PCDHGA1: variants seen among roughly 807,000 people sequenced by gnomAD.
The protein encoded by PCDHGA1 is protocadherin gamma subfamily A, 1.
Under a neutral mutation model 58.0 loss-of-function variants are expected in PCDHGA1, and 32 were observed. The observed-to-expected ratio is 0.55, with a 90% CI of 0.42 to 0.74. PCDHGA1 has a LOEUF of 0.74. PCDHGA1 is among the 30% of genes least tolerant of loss of function. The probability of loss-of-function intolerance (pLI) is 0.00; values close to 1 mark genes in which losing one functional copy is unlikely to be tolerated. For synonymous variants in PCDHGA1, 498 were observed against 501.1 expected (o/e 0.99, Z 0.08); for missense variants, 1,205 against 1,182.3 (o/e 1.02, Z -0.28).
intron 1 of PCDHGA1, chr5:141,403,017 T>C: frequency 6.2e-7 from 1 of 1,614,064 alleles, no homozygotes; most frequent in South Asian, 1.1e-5. Context: ...CTCCTGGGGA[T>C]GCTATGGGAG....
intron 1 of PCDHGA1, chr5:141,422,889 G>A (rs62378455): frequency 0.035 from 55,863 of 1,614,202 alleles, 1,109 homozygotes; most frequent in Middle Eastern, 0.098. Context: ...TGTTCGTGCT[G>A]GACCAGAACG....
Position 141,487,373 on chromosome 5 carries a change from C to T in PCDHGA1, c.2422-7434C>T. 2 of 1,614,224 alleles carry T rather than the reference C, an allele frequency of 1.2e-6. No homozygotes were observed. Among genetic ancestry groups the T allele is most frequent in the Non-Finnish European group, 1.7e-6 (2 of 1,180,042 alleles). On this transcript the variant is annotated intron_variant, in intron 1 of 3. Transcript: ENST00000517417. This position sits in a 1 kb window ranked among gnomAD's most constrained non-coding sequence, Gnocchi z 5.0. ...CTTTCCTGCTGGCACCTGTGCCTGTCTCACCAGATCTCGAAGGAGGGAGGG... is the reference window on the plus strand; with the variant it reads ...CTTTCCTGCTGGCACCTGTGCCTGTTTCACCAGATCTCGAAGGAGGGAGGG...
Position 141,431,668 on chromosome 5 carries a change from A to C in PCDHGA1, c.2422-63139A>C. ...ATTGTAATTCAGGGACAATATCAAC[A>C]ATAGGGGAGTTGGACCACGAGGAGT... is the stretch of plus-strand genomic sequence containing the variant. On this transcript the variant is annotated intron_variant, in intron 1 of 3. Coordinates refer to ENST00000517417, the MANE Select transcript of PCDHGA1 (RefSeq NM_018912.3). This position sits in a 1 kb window ranked among gnomAD's most constrained non-coding sequence, Gnocchi z 4.8. The C allele has an allele frequency of 6.2e-7, 1 of 1,614,208 alleles. No individual in the cohort carries two copies. Among genetic ancestry groups the C allele is most frequent in the Non-Finnish European group, 8.5e-7 (1 of 1,180,036 alleles).
At chr5:141,376,041 C>G (rs781158382) in intron 1 of PCDHGA1, 1 of 1,613,218 alleles carries the variant, frequency 6.2e-7, no homozygotes, top group Non-Finnish European at 8.5e-7. Flanking sequence ...GGCCAGCCCC[C>G]TCTCTCCGCC....
chr5:141,396,790 C>G (rs2093435054), intron 1 of PCDHGA1, among the ~76,000 whole-genome samples: 2 of 152,128 alleles, frequency 1.3e-5, no homozygotes. Flanking sequence ...AGGACATTTC[C>G]TAAGGATTGT....
At chr5:141,383,985 T>C (rs924124642) in intron 1 of PCDHGA1, 1 of 1,613,822 alleles carries the variant, frequency 6.2e-7, no homozygotes, top group African/African-American at 1.3e-5. Flanking sequence ...ACACACCTCT[T>C]GGGACAGTCA....
intron 1 of PCDHGA1, chr5:141,389,501 G>A (rs752472089): frequency 3.7e-6 from 6 of 1,613,066 alleles, no homozygotes; most frequent in Non-Finnish European, 5.1e-6. Context: ...GCTCGCCAGC[G>A]CTCAGCGCGA....
rs375810500 is a variant in PCDHGA1, at chr5:141,364,577, A to G, written c.2421+31472A>G. On this transcript the variant is annotated intron_variant, in intron 1 of 3. Coordinates refer to ENST00000517417, the MANE Select transcript of PCDHGA1 (RefSeq NM_018912.3). ...TTTTGCCCTGAACCCGCGAAGCGGCAGCTTGGTCACCGCGGGCAGGATAGA... is the reference window on the plus strand; with the variant it reads ...TTTTGCCCTGAACCCGCGAAGCGGCGGCTTGGTCACCGCGGGCAGGATAGA... The G allele has an allele frequency of 2.9e-4, 467 of 1,614,196 alleles. No individual in the cohort carries two copies. The highest frequency in any genetic ancestry group is 3.9e-4 in the Non-Finnish European group (459 of 1,179,998).
intron 1 of PCDHGA1, chr5:141,399,986 G>A (rs1400468651): frequency 6.2e-7 from 1 of 1,612,408 alleles, no homozygotes; most frequent in East Asian, 2.2e-5. Context: ...CTGCGCACAG[G>A]AGAGGTGCGC....
chr5:141,460,214 G>C (rs925628892), intron 1 of PCDHGA1, among the ~76,000 whole-genome samples: 1 of 151,896 alleles, frequency 6.6e-6, no homozygotes, highest in South Asian at 2.1e-4. Flanking sequence ...CATTTTCTTA[G>C]TTGTGTCTTT....
intron 1 of PCDHGA1, chr5:141,375,897 C>A (rs1456506633): frequency 3.7e-6 from 6 of 1,613,680 alleles, no homozygotes; most frequent in Non-Finnish European, 5.1e-6. Context: ...GCCTGGCTGT[C>A]CTACCGCCTG....
intron 1 of PCDHGA1, chr5:141,365,990 G>T: frequency 6.2e-7 from 1 of 1,614,216 alleles, no homozygotes; most frequent in Non-Finnish European, 8.5e-7. Flanking sequence ...GTTTGTGCTG[G>T]ACCAGAACGA....
chr5:141,435,593 G>T (rs183768133), intron 1 of PCDHGA1, among the ~76,000 whole-genome samples: 1 of 152,112 alleles, frequency 6.6e-6, no homozygotes, highest in East Asian at 1.9e-4. Flanking sequence ...CAGTAATATC[G>T]CCTGCTTTTT....
Position 141,477,780 on chromosome 5 carries a change from T to C in PCDHGA1, c.2422-17027T>C. On this transcript the variant is annotated intron_variant, in intron 1 of 3. Coordinates refer to ENST00000517417, the MANE Select transcript of PCDHGA1 (RefSeq NM_018912.3). The surrounding 1 kb of genome is among the most constrained non-coding windows in gnomAD (Gnocchi z 4.9). ...CTAGCCACCAACATCAGCGTGAACA[T>C]ATTTGTCACTGATCGCAATGACAAT... 6.2e-7 allele frequency: 1 copy of C among 1,614,048 alleles called. No homozygotes were observed. Among genetic ancestry groups the C allele is most frequent in the Non-Finnish European group, 8.5e-7 (1 of 1,180,030 alleles).
intron 1 of PCDHGA1, chr5:141,399,420 C>T (rs1257006819): frequency 1.9e-6 from 3 of 1,614,034 alleles, no homozygotes; most frequent in Non-Finnish European, 2.5e-6. Flanking sequence ...TCTCCTCCAG[C>T]ATAAGCGTCA....
rs370603640 is a variant in PCDHGA1, at chr5:141,365,604, T to A, written c.2421+32499T>A. Reference sequence around the variant, plus strand: ...GATTATAATATCACTTTAACCGTCATGGACCATGGAACCCCGCCCCTCTCT... The same window carrying A: ...GATTATAATATCACTTTAACCGTCAAGGACCATGGAACCCCGCCCCTCTCT... On this transcript the variant is annotated intron_variant, in intron 1 of 3. Coordinates refer to ENST00000517417, the MANE Select transcript of PCDHGA1 (RefSeq NM_018912.3). 2.5e-6 allele frequency: 4 copies of A among 1,613,672 alleles called. No individual in the cohort carries two copies. The South Asian group carries it at 4.4e-5, about 18-fold the overall frequency.
chr5:141,340,748 G>A lies in PCDHGA1; in HGVS notation c.2421+7643G>A, dbSNP rs759128480. On this transcript the variant is annotated intron_variant, in intron 1 of 3. Transcript: ENST00000517417. ...CGGCTACCTGGTGACCAAGGTGGTG[G>A]CGGTGGACAGAGACTCGGGCCAGAA... 5.0e-6 allele frequency: 8 copies of A among 1,614,048 alleles called. No individual in the cohort carries two copies. In the South Asian group the frequency reaches 8.8e-5, roughly 18 times the overall value.
In PCDHGA1 at chr5:141,486,828, G is replaced by T. The variant is rs140257646; in HGVS notation, c.2422-7979G>T. ...CCCCTTAGCAGCACTGTAACAGTTC[G>T]TCTATTTGTGCTGGACCTCAATGAC... On this transcript the variant is annotated intron_variant, in intron 1 of 3. Coordinates refer to ENST00000517417, the MANE Select transcript of PCDHGA1 (RefSeq NM_018912.3). This position sits in a 1 kb window ranked among gnomAD's most constrained non-coding sequence, Gnocchi z 5.0. The T allele has an allele frequency of 8.7e-6, 14 of 1,614,218 alleles. No homozygotes were observed. The highest frequency in any genetic ancestry group is 1.2e-5 in the Non-Finnish European group (14 of 1,180,042).
At chr5:141,364,349 G>C (rs758855393) in intron 1 of PCDHGA1, 1 of 1,549,456 alleles carries the variant, frequency 6.5e-7, no homozygotes, top group Middle Eastern at 1.7e-4. Flanking sequence ...TCCACCTAGG[G>C]GCTGGGGCTG....
Sources: allele counts gnomAD v4.1 joint callset (sites outside exome capture counted in the v4.1 genomes callset), GRCh38; gene constraint gnomAD v4.1.1; non-coding constraint Gnocchi (gnomAD v3.1); transcripts MANE v1.5; gene names NCBI Gene and HGNC (gene_info 2026-07-23, HGNC 2026-07-21).